Variants in AGAP1 observed in about 807,000 individuals in gnomAD.
The protein encoded by AGAP1 is arf-GAP with GTPase, ANK repeat and PH domain-containing protein 1.
Under a neutral mutation model 105.3 loss-of-function variants are expected in AGAP1, and 29 were observed. The observed-to-expected ratio is 0.28, with a 90% CI of 0.21 to 0.38. The LOEUF is 0.38. Among genes scored for constraint, AGAP1 ranks in the 10% least tolerant of loss-of-function variants. The probability of loss-of-function intolerance (pLI) is 1.00; values close to 1 mark genes in which losing one functional copy is unlikely to be tolerated. For missense variants in AGAP1, 998 were observed against 1,165.1 expected, an observed-to-expected ratio of 0.86 and a Z score of 2.09; for synonymous variants, 509 against 485.9, an observed-to-expected ratio of 1.05 and a Z score of -0.63.
At chr2:235,759,090 GGTCATAT>G (rs1954180752) in intron 6 of AGAP1, among the ~76,000 whole-genome samples, 1 of 151,888 alleles carries the variant, frequency 6.6e-6, no homozygotes, top group African/African-American at 2.4e-5. Context: ...CATGGCACCC[GGTCATAT>G]AAGGGGGTTT....
In AGAP1 at chr2:236,124,823, C is replaced by T. The variant is rs1189986825; in HGVS notation, c.*701C>T. On this transcript the variant is annotated 3_prime_UTR_variant, in exon 18 of 18. Transcript: ENST00000304032. The surrounding 1 kb of genome is among the most constrained non-coding windows in gnomAD (Gnocchi z 5.1). ...ATTGCCACGATGTGATTGCAATACT[C>T]TTAGAAGCACCATATTATCCCAGAC... The T allele has an allele frequency of 6.5e-6, 1 of 153,580 alleles. No individual in the cohort carries two copies. The highest frequency in any genetic ancestry group is 1.5e-5 in the Non-Finnish European group (1 of 68,672). The allele number at this position is 153,580 out of a possible 1,614,324, so 9.5% of individuals were successfully genotyped here. A position where few individuals can be genotyped will look rare whatever the true frequency, so the allele number is the denominator to read the frequency against.
intron 8 of AGAP1, 57 bp from the exon 9 acceptor site, chr2:235,807,182 G>GC: frequency 6.5e-7 from 1 of 1,542,992 alleles, no homozygotes; most frequent in African/African-American, 1.4e-5. Flanking sequence ...CAGGGGCAGA[G>GC]CCCCGTCTGT....
Position 235,879,613 on chromosome 2 carries a change from C to G in AGAP1, c.1051-3732C>G, listed in dbSNP as rs2049909834. 6.6e-6 allele frequency among the ~76,000 whole-genome samples: 1 copy of G among 152,088 alleles called. No homozygotes were observed. The highest frequency in any genetic ancestry group is 2.1e-4 in the South Asian group (1 of 4,818). The stretch of plus-strand genomic sequence containing the variant: ...CGTAGGCCTGGCACAGTGGCTCACT[C>G]CCTGTCATCCAGCACTTTCTAAAGA... On this transcript the variant is annotated intron_variant, in intron 9 of 17. Transcript: ENST00000304032. The surrounding 1 kb of genome is among the most constrained non-coding windows in gnomAD (Gnocchi z 5.0).
At chr2:235,800,333 T>A (rs1381544226) in intron 8 of AGAP1, among the ~76,000 whole-genome samples, 1 of 151,434 alleles carries the variant, frequency 6.6e-6, no homozygotes, top group East Asian at 2.0e-4. Context: ...ACTCCTGGGC[T>A]CAAGCCACCC....
In AGAP1 at chr2:236,009,279, A is replaced by G. The variant is rs1419376573; in HGVS notation, c.1646-27282A>G. Among the ~76,000 whole-genome samples, 2 of 152,230 alleles carry G rather than the reference A, an allele frequency of 1.3e-5. No individual in the cohort carries two copies. The highest frequency in any genetic ancestry group is 2.4e-5 in the African/African-American group (1 of 41,456). On this transcript the variant is annotated intron_variant, in intron 13 of 17. Coordinates refer to ENST00000304032, the MANE Select transcript of AGAP1 (RefSeq NM_001037131.3). The surrounding 1 kb of genome is among the most constrained non-coding windows in gnomAD (Gnocchi z 4.2). ...AGCACAAAAGAAATCCCCAATCTCT[A>G]ACCTCACAATGAAATCGCCACGGAC...
rs1187018288 is a variant in AGAP1 at position 235,930,535 on chromosome 2, A to G, written c.1325-230A>G. 6.6e-5 allele frequency among the ~76,000 whole-genome samples: 10 copies of G among 152,060 alleles called. No homozygotes were observed. Among genetic ancestry groups the G allele is most frequent in the African/African-American group, 1.7e-4 (7 of 41,382 alleles). ...TTGTTCGGTGCGAGCCATCTGTGGC[A>G]TCGGGTCCCTTCACATTGCTTTGTC... On this transcript the variant is annotated intron_variant, in intron 11 of 17. Transcript: ENST00000304032. This position sits in a 1 kb window ranked among gnomAD's most constrained non-coding sequence, Gnocchi z 7.9.
At chr2:235,999,161 GTGA>G (rs141864400) in intron 13 of AGAP1, among the ~76,000 whole-genome samples, 44,183 of 145,092 alleles carry the variant, frequency 0.3, 6,928 homozygotes, top group South Asian at 0.4. Context: ...GGTGGTGGTG[GTGA>G]TGATGATGAT....
In AGAP1 at chr2:235,664,209, G is replaced by T. The variant is rs77977592; in HGVS notation, c.164-44970G>T. Among the ~76,000 whole-genome samples, 3,567 of 151,534 alleles carry T rather than the reference G, an allele frequency of 0.024. 158 individuals carry two copies. The highest frequency in any genetic ancestry group is 0.081 in the African/African-American group (3,348 of 41,230). On this transcript the variant is annotated intron_variant, in intron 1 of 17. Coordinates refer to ENST00000304032, the MANE Select transcript of AGAP1 (RefSeq NM_001037131.3). This position sits in a 1 kb window ranked among gnomAD's most constrained non-coding sequence, Gnocchi z 5.7. ...TAGATTGGATTTTAATATATAGTTT[G>T]TTTTTTTGTTTTTTTTTTCGAGACG...
chr2:235,544,314 G>T (rs186020681), intron 1 of AGAP1, among the ~76,000 whole-genome samples: 3 of 152,236 alleles, frequency 2.0e-5, no homozygotes, highest in African/African-American at 7.2e-5. Flanking sequence ...TGCAAGAAAC[G>T]CACCACCTAG....
rs115286597 is a variant in AGAP1 at position 236,075,355 on chromosome 2, G to T, written c.2114+26074G>T. Among the ~76,000 whole-genome samples the T allele has an allele frequency of 1.9e-3, 296 of 152,162 alleles. 1 individual carries two copies. The highest frequency in any genetic ancestry group is 6.8e-3 in the African/African-American group (284 of 41,514). ...AGCTGTTGGGGAAAAAAGAAGACTTGGTACTGCCCATCCCCACCCCCAAGG... is the reference window on the plus strand; with the variant it reads ...AGCTGTTGGGGAAAAAAGAAGACTTTGTACTGCCCATCCCCACCCCCAAGG... On this transcript the variant is annotated intron_variant, in intron 16 of 17. Transcript: ENST00000304032.
At chr2:235,704,194 T>C (rs1036745019) in intron 1 of AGAP1, among the ~76,000 whole-genome samples, 1 of 152,248 alleles carries the variant, frequency 6.6e-6, no homozygotes, top group Non-Finnish European at 1.5e-5. Context: ...CCTCAGTAAC[T>C]GCAGCACTTT....
chr2:235,509,888 T>C (rs1276203955), intron 1 of AGAP1, among the ~76,000 whole-genome samples: 1 of 152,042 alleles, frequency 6.6e-6, no homozygotes, highest in Non-Finnish European at 1.5e-5. Flanking sequence ...TTACAGCCAC[T>C]CCCTTTGCCT....
At chr2:235,928,383 A>G (rs569318163) in intron 11 of AGAP1, among the ~76,000 whole-genome samples, 50 of 152,292 alleles carry the variant, frequency 3.3e-4, no homozygotes, top group African/African-American at 1.1e-3. Context: ...GCAGAAATGC[A>G]CCAGGACAAC....
intron 1 of AGAP1, among the ~76,000 whole-genome samples, chr2:235,676,112 C>G (rs917603363): frequency 1.3e-5 from 2 of 152,186 alleles, no homozygotes; most frequent in African/African-American, 4.8e-5. Flanking sequence ...GAAGCTGGAG[C>G]TAACTAGAGC....
chr2:235,831,326 T>C (rs1959366673), intron 9 of AGAP1, among the ~76,000 whole-genome samples: 1 of 152,172 alleles, frequency 6.6e-6, no homozygotes, highest in Non-Finnish European at 1.5e-5. Context: ...GACAGCACTG[T>C]CACCCTCAGT....
rs2125723545 is a variant in AGAP1, at chr2:236,053,235, A to C, written c.2114+3954A>C. Reference sequence around the variant, plus strand: ...AGCTCAGAGGTGAAGATGTTAAAACAGTCGTGCGAACGTCTCCTGCATGAA... The same window carrying C: ...AGCTCAGAGGTGAAGATGTTAAAACCGTCGTGCGAACGTCTCCTGCATGAA... On this transcript the variant is annotated intron_variant, in intron 16 of 17. Transcript: ENST00000304032. The surrounding 1 kb of genome is among the most constrained non-coding windows in gnomAD (Gnocchi z 4.6). 6.6e-6 allele frequency among the ~76,000 whole-genome samples: 1 copy of C among 152,358 alleles called. No individual in the cohort carries two copies. The highest frequency in any genetic ancestry group is 1.5e-5 in the Non-Finnish European group (1 of 68,034).
chr2:235,896,132 C>T (rs1479506283), intron 10 of AGAP1, among the ~76,000 whole-genome samples: 2 of 152,206 alleles, frequency 1.3e-5, no homozygotes, highest in African/African-American at 2.4e-5. Context: ...CCCCTGGCAA[C>T]CAGCATTCCA....
At chr2:236,098,108 C>T (rs1243345142) in intron 16 of AGAP1, among the ~76,000 whole-genome samples, 1 of 152,152 alleles carries the variant, frequency 6.6e-6, no homozygotes, top group Non-Finnish European at 1.5e-5. Flanking sequence ...CTGTTTCTTC[C>T]ACATTTTAGC....
chr2:235,651,830 T>G (rs772130202), intron 1 of AGAP1, among the ~76,000 whole-genome samples: 7 of 152,192 alleles, frequency 4.6e-5, no homozygotes, highest in Non-Finnish European at 1.0e-4. Context: ...TTGATTTATA[T>G]TTATACTCGT....
Sources: gnomAD v4.1 joint callset for allele counts (sites outside exome capture counted in the v4.1 genomes callset) on GRCh38, gnomAD v4.1.1 for gene constraint, Gnocchi (gnomAD v3.1) non-coding constraint, MANE v1.5 for transcripts, NCBI Gene and HGNC (gene_info 2026-07-23, HGNC 2026-07-21) for gene names.